The following SEPTIN3 variants were observed in gnomAD, a reference collection of about 807,000 sequenced individuals.
SEPTIN3 encodes septin 3.
Under a neutral mutation model 45.1 loss-of-function variants are expected in SEPTIN3, and 15 were observed. The observed-to-expected ratio is 0.33, with a 90% confidence interval of 0.22 to 0.51. The LOEUF (loss-of-function observed/expected upper bound fraction) is 0.51, where lower values mean the gene tolerates loss of function less well. SEPTIN3 is among the 20% of genes least tolerant of loss of function. The probability of loss-of-function intolerance (pLI) is 0.97; values close to 1 mark genes in which losing one functional copy is unlikely to be tolerated. For missense variants in SEPTIN3, 289 were observed against 457.2 expected, an observed-to-expected ratio of 0.63 and a Z score of 3.35; for synonymous variants, 148 against 164.8, an observed-to-expected ratio of 0.90 and a Z score of 0.78.
At chr22:41,985,485 T>C (rs1288285571) in intron 3 of SEPTIN3, among the ~76,000 whole-genome samples, 1 of 152,240 alleles carries the variant, frequency 6.6e-6, no homozygotes, top group African/African-American at 2.4e-5. Context: ...AGAAGAGGAT[T>C]CATCTCTCTA....
At chr22:41,996,516 A>AG (rs2078441066) in intron 11 of SEPTIN3, 2 of 1,009,596 alleles carry the variant, frequency 2.0e-6, no homozygotes, top group African/African-American at 1.7e-5. Flanking sequence ...ACCAGGAGAA[A>AG]GGGGGGCGGT....
chr22:41,996,680 C>T (rs1186061651), intron 11 of SEPTIN3: 2 of 1,405,366 alleles, frequency 1.4e-6, no homozygotes, highest in Non-Finnish European at 1.8e-6. Context: ...TACATTTCAA[C>T]AGAACAGGGA....
chr22:41,985,874 C>T, intron 3 of SEPTIN3, 110 bp from the exon 4 acceptor site: 1 of 1,348,804 alleles, frequency 7.4e-7, no homozygotes. Context: ...AGTGGTCAGA[C>T]AAGGTGTGGC....
intron 7 of SEPTIN3, 130 bp from the exon 8 acceptor site, chr22:41,991,443 T>C: frequency 1.4e-6 from 1 of 710,198 alleles, no homozygotes; most frequent in Non-Finnish European, 2.6e-6. Flanking sequence ...GTCTCAGAGT[T>C]CAGAGATGAC....
chr22:41,995,649 C>T (rs2078420513), intron 11 of SEPTIN3: 1 of 985,432 alleles, frequency 1.0e-6, no homozygotes, highest in East Asian at 1.1e-4. Context: ...TGACTTTAGA[C>T]TGCCTTTCAC....
intron 1 of SEPTIN3, 114 bp from the exon 2 acceptor site, chr22:41,971,360 C>G (rs1043539797): frequency 7.5e-6 from 3 of 397,802 alleles, no homozygotes; most frequent in Non-Finnish European, 1.3e-5. Flanking sequence ...TCCCCAGAAC[C>G]AGGCCCCTTC....
At chr22:41,987,559 T>A in intron 5 of SEPTIN3, 63 bp from the exon 6 acceptor site, 3 of 1,554,424 alleles carry the variant, frequency 1.9e-6, no homozygotes, top group Non-Finnish European at 2.6e-6. Context: ...TACCAGATCA[T>A]GCCTAAGCTG....
intron 2 of SEPTIN3, among the ~76,000 whole-genome samples, chr22:41,974,629 A>C (rs566302098): frequency 7.6e-4 from 114 of 149,548 alleles, no homozygotes; most frequent in Non-Finnish European, 9.5e-4. Context: ...CGCCACTGCA[A>C]TCCAGCCTGG....
chr22:41,994,261 T>G lies in SEPTIN3; in HGVS notation c.2360-29T>G. On this transcript the variant is annotated intron_variant, in intron 9 of 11. Transcript: ENST00000644076. The surrounding 1 kb of genome is among the most constrained non-coding windows in gnomAD (Gnocchi z 4.2). ...TTGCTGTATTAATGAACTGACTACCTGTTTTGCTTTGTTTTGTTTTGTTCA... is the reference window on the plus strand; with the variant it reads ...TTGCTGTATTAATGAACTGACTACCGGTTTTGCTTTGTTTTGTTTTGTTCA... 6.2e-7 allele frequency: 1 copy of G among 1,611,314 alleles called. No individual in the cohort carries two copies. Among genetic ancestry groups the G allele is most frequent in the Non-Finnish European group, 8.5e-7 (1 of 1,178,592 alleles).
In SEPTIN3 at chr22:41,972,911, C is replaced by T. The variant is rs1025760674; in HGVS notation, c.1419C>T (p.Ser473=). The T allele has an allele frequency of 2.5e-6, 1 of 399,260 alleles. No homozygotes were observed. The highest frequency in any genetic ancestry group is 1.3e-4 in the South Asian group (1 of 7,862). 24.7% of individuals were successfully genotyped at this position (399,260 alleles called of 1,614,324 possible). A position where few individuals can be genotyped will look rare whatever the true frequency, so the allele number is the denominator to read the frequency against. ...VATCLLMPSR[S]TDLALDNTNA... ...CATGCCTGCTAATGCCAAGCAGATC[C>T]ACAGACCTAGCCCTGGACAACACTA... Residue 473 remains serine (S), a synonymous_variant, in exon 2 of 12, where the codon TCC becomes TCT. Coordinates refer to ENST00000644076, the MANE Select transcript of SEPTIN3 (RefSeq NM_001363845.2).
rs1416057287 is a variant in SEPTIN3 at position 41,972,878 on chromosome 22, C to T, written c.1386C>T (p.Asp462=). The stretch of plus-strand genomic sequence containing the variant: ...GTGTTAATAACCTAACCATATCAGA[C>T]GTTGCTACATGCCTGCTAATGCCAA... ...LGSVNNLTIS[D]VATCLLMPSR... The change falls in exon 2 of 12, where the codon GAC becomes GAT. Residue 462 remains aspartate (D), a synonymous_variant. Coordinates refer to ENST00000644076, the MANE Select transcript of SEPTIN3 (RefSeq NM_001363845.2). The T allele has an allele frequency of 7.5e-6, 3 of 399,144 alleles. No homozygotes were observed. Among genetic ancestry groups the T allele is most frequent in the Middle Eastern group, 6.2e-4 (1 of 1,610 alleles). The allele number at this position is 399,144 out of a possible 1,614,324, so 24.7% of individuals were successfully genotyped here.
intron 2 of SEPTIN3, among the ~76,000 whole-genome samples, chr22:41,978,551 G>C (rs1439614437): frequency 6.6e-6 from 1 of 152,168 alleles, no homozygotes; most frequent in Non-Finnish European, 1.5e-5. Context: ...GGGACCAGGG[G>C]AGTTGTAGGG....
chr22:41,995,860 A>T, intron 11 of SEPTIN3: 1 of 882,206 alleles, frequency 1.1e-6, no homozygotes, highest in Non-Finnish European at 1.4e-6. Flanking sequence ...TAGTCATGTG[A>T]GACAACCTTT....
intron 2 of SEPTIN3, chr22:41,977,216 G>A (rs1263332725): frequency 1.3e-6 from 1 of 744,480 alleles, no homozygotes; most frequent in Non-Finnish European, 2.1e-6. Context: ...ACGCACACAC[G>A]GTGGCACCCA....
chr22:41,985,162 C>A (rs1244094806), intron 3 of SEPTIN3, among the ~76,000 whole-genome samples: 1 of 152,208 alleles, frequency 6.6e-6, no homozygotes, highest in East Asian at 1.9e-4. Flanking sequence ...ACGGCCTGAC[C>A]AGTGGTTTTC....
At chr22:41,977,909 C>T (rs1293312628) in intron 2 of SEPTIN3, among the ~76,000 whole-genome samples, 1 of 152,166 alleles carries the variant, frequency 6.6e-6, no homozygotes, top group Non-Finnish European at 1.5e-5. Context: ...TGGTGCCTCT[C>T]CCTGGAGCAC....
chr22:41,990,641 G>T (rs1262653512), intron 7 of SEPTIN3, among the ~76,000 whole-genome samples: 1 of 150,834 alleles, frequency 6.6e-6, no homozygotes, highest in Non-Finnish European at 1.5e-5. Flanking sequence ...AGCTACTCAG[G>T]AGGCTGAGGC....
chr22:41,972,294 C>T lies in SEPTIN3; in HGVS notation c.802C>T (p.His268Tyr). Residue 268 changes from histidine (H) to tyrosine (Y), a missense_variant, in exon 2 of 12, where the codon CAT (histidine) becomes TAT (tyrosine). This residue lies in a region of SEPTIN3 where 200 missense variants were observed against 315.1 expected (regional missense o/e 0.63). Coordinates refer to ENST00000644076, the MANE Select transcript of SEPTIN3 (RefSeq NM_001363845.2). ...AMDTRTDAAR[H>Y]LATMATNRPS... ...GGACACAAGGACAGACGCAGCCAGACATTTAGCCACAATGGCCACCAACAG... is the reference window on the plus strand; with the variant it reads ...GGACACAAGGACAGACGCAGCCAGATATTTAGCCACAATGGCCACCAACAG... The T allele has an allele frequency of 2.5e-6, 1 of 399,192 alleles. No individual in the cohort carries two copies. The highest frequency in any genetic ancestry group is 1.3e-4 in the South Asian group (1 of 7,864). 24.7% of individuals were successfully genotyped at this position (399,192 alleles called of 1,614,324 possible).
intron 1 of SEPTIN3, among the ~76,000 whole-genome samples, chr22:41,971,235 T>C (rs1487619381): frequency 6.6e-6 from 1 of 152,030 alleles, no homozygotes; most frequent in East Asian, 1.9e-4. Context: ...CCCACCCCAC[T>C]GTGTGGTGGC....
Sources: allele counts gnomAD v4.1 joint callset (sites outside exome capture counted in the v4.1 genomes callset), GRCh38; gene constraint gnomAD v4.1.1; regional missense constraint gnomAD v4.1.1; non-coding constraint Gnocchi (gnomAD v3.1); transcripts MANE v1.5; gene names NCBI Gene and HGNC (gene_info 2026-07-23, HGNC 2026-07-21).